The following MUC5B variants were observed in gnomAD, a reference collection of about 807,000 sequenced individuals.
The protein encoded by MUC5B is mucin-5B.
MUC5B carries 116 observed loss-of-function variants against 376.9 expected under a neutral mutation model. The observed-to-expected ratio is 0.31, with a 90% CI of 0.26 to 0.36. The LOEUF is 0.36. MUC5B is among the 10% of genes least tolerant of loss of function. The probability of loss-of-function intolerance (pLI) is 1.00; values close to 1 mark genes in which losing one functional copy is unlikely to be tolerated. For synonymous variants in MUC5B, 3,517 were observed against 3,390.9 expected (o/e 1.04, Z -1.29); for missense variants, 7,165 against 7,769.9 (o/e 0.92, Z 2.93).
chr11:1,235,132 G>A lies in MUC5B; in HGVS notation c.2678G>A (p.Gly893Asp). The change falls in exon 22 of 49, where the codon GGC (glycine) becomes GAC (aspartate). Residue 893 changes from glycine (G) to aspartate (D), a missense_variant. Physicochemically the swap from Gly to Asp is moderately conservative, Grantham distance 94. This residue lies in a region of MUC5B where 530 missense variants were observed against 604.0 expected (regional missense o/e 0.88). Coordinates refer to ENST00000529681, the MANE Select transcript of MUC5B (RefSeq NM_002458.3). ...GAGTGCAGCCACCGGCTCTGCCTGG[G>A]CACCTGCGTGGCCTACGGGGATGGC... ...RWECSHRLCL[G>D]TCVAYGDGHF... 1 of 1,612,824 alleles carries A rather than the reference G, an allele frequency of 6.2e-7. No homozygotes were observed. Among genetic ancestry groups the A allele is most frequent in the Non-Finnish European group, 8.5e-7 (1 of 1,179,656 alleles).
At position 1,249,022 on chromosome 11, in the gene MUC5B, A is replaced by T; in HGVS notation, c.12142A>T (p.Thr4048Ser). 1 of 1,607,216 alleles carries T rather than the reference A, an allele frequency of 6.2e-7. No individual in the cohort carries two copies. Among genetic ancestry groups the T allele is most frequent in the South Asian group, 1.1e-5 (1 of 90,604 alleles). Reference sequence around the variant, plus strand: ...CCACATCACAGAGCCTTCCACGGGGACTTCCCACACCCCAGCAGCAACCAC... The same window carrying T: ...CCACATCACAGAGCCTTCCACGGGGTCTTCCCACACCCCAGCAGCAACCAC... ...TTHITEPSTG[T>S]SHTPAATTGT... Residue 4048 changes from threonine (T) to serine (S), a missense_variant, in exon 31 of 49, where the codon ACT (threonine) becomes TCT (serine). Physicochemically the swap from Thr to Ser is moderately conservative, Grantham distance 58. Around this residue, in one of 31 missense-constraint regions of MUC5B, gnomAD observed 85 missense variants for 78.2 expected, o/e 1.09. Transcript: ENST00000529681.
intron 6 of MUC5B, 29 bp from the exon 7 acceptor site, chr11:1,227,646 C>A (rs1456352440): frequency 1.4e-6 from 1 of 715,202 alleles, no homozygotes; most frequent in Admixed American, 2.0e-5. Flanking sequence ...CCCCTCAGAG[C>A]CACCACACCC....
rs1442513015 is a variant in MUC5B, at chr11:1,243,381, C to A, written c.6501C>A (p.Thr2167=). 3 of 1,536,340 alleles carry A rather than the reference C, an allele frequency of 2.0e-6. No individual in the cohort carries two copies. Among genetic ancestry groups the A allele is most frequent in the Non-Finnish European group, 2.6e-6 (3 of 1,133,056 alleles). Reference sequence around the variant, plus strand: ...CCCCAGTGCTGACCACCACCGCCACCACACCTGCAGCCACCAGCAACACAG... The same window carrying A: ...CCCCAGTGCTGACCACCACCGCCACAACACCTGCAGCCACCAGCAACACAG... ...PIPPVLTTTA[T]TPAATSNTVT... Residue 2167 remains threonine, a synonymous_variant, in exon 31 of 49, where the codon ACC becomes ACA. Coordinates refer to ENST00000529681, the MANE Select transcript of MUC5B (RefSeq NM_002458.3).
rs566170441 is a variant in MUC5B, at chr11:1,250,118, C to G, written c.13238C>G (p.Ser4413Cys). 1 of 1,594,488 alleles carries G rather than the reference C, an allele frequency of 6.3e-7. No individual in the cohort carries two copies. Among genetic ancestry groups the G allele is most frequent in the African/African-American group, 1.3e-5 (1 of 74,428 alleles). ...AATGPTATPS[S>C]TPGTTWILTE... ...ACTGGCCCCACGGCCACCCCGTCCT[C>G]CACCCCAGGGACCACCTGGATCCTC... Residue 4413 changes from serine to cysteine, a missense_variant, in exon 31 of 49, where the codon TCC (serine) becomes TGC (cysteine). This residue lies in a region of MUC5B where 431 missense variants were observed against 390.4 expected (regional missense o/e 1.10). Coordinates refer to ENST00000529681, the MANE Select transcript of MUC5B (RefSeq NM_002458.3).
chr11:1,249,616 A>G lies in MUC5B; in HGVS notation c.12736A>G (p.Thr4246Ala). Residue 4246 changes from threonine to alanine, a missense_variant, in exon 31 of 49, where the codon ACG (threonine) becomes GCG (alanine). Around this residue, in one of 31 missense-constraint regions of MUC5B, gnomAD observed 431 missense variants for 390.4 expected, o/e 1.10. Transcript: ENST00000529681. ...STAMPSSTPG[T>A]TWILTELTTT... ...GGCCATGCCCTCCTCCACTCCGGGG[A>G]CGACCTGGATCCTCACAGAGCTGAC... 6.2e-7 allele frequency: 1 copy of G among 1,611,764 alleles called. No individual in the cohort carries two copies. Among genetic ancestry groups the G allele is most frequent in the Non-Finnish European group, 8.5e-7 (1 of 1,178,744 alleles).
Position 1,251,443 on chromosome 11 carries a change from GC to G in MUC5B, c.14565del (p.Thr4856ProfsTer2). 1 of 1,612,162 alleles carries G rather than the reference GC, an allele frequency of 6.2e-7. No individual in the cohort carries two copies. Among genetic ancestry groups the G allele is most frequent in the Non-Finnish European group, 8.5e-7 (1 of 1,178,994 alleles). On this transcript the variant is annotated frameshift_variant, in exon 31 of 49. Transcript: ENST00000529681. LOFTEE classifies it high-confidence loss of function. The stretch of plus-strand genomic sequence containing the variant: ...GATCCTCACAGAGCCGAGCACTATA[GC>G]CACCGTGATGGTGCCCACCGGTTCC... ...TWILTEPSTIATVMVPTGSTA... is the reference protein window; with the variant it reads ...TWILTEPSTIXTVMVPTGSTA...
rs775090485 is a variant in MUC5B at position 1,242,488 on chromosome 11, T to C, written c.5608T>C (p.Phe1870Leu). ...CCAGACAGGCAGGTTCAACATGTGC[T>C]TCAACTACAACGTGCGTGTGCTTTG... is the stretch of plus-strand genomic sequence containing the variant. ...EDQTGRFNMC[F>L]NYNVRVLCCD... is the part of the protein sequence containing the mutation. The change falls in exon 31 of 49, where the codon TTC becomes CTC. Residue 1870 changes from phenylalanine (F) to leucine (L), a missense_variant. This residue lies in a region of MUC5B where 897 missense variants were observed against 779.6 expected (regional missense o/e 1.15). Transcript: ENST00000529681. 5.6e-6 allele frequency: 9 copies of C among 1,613,652 alleles called. No homozygotes were observed. Among genetic ancestry groups the C allele is most frequent in the Non-Finnish European group, 4.2e-6 (5 of 1,179,776 alleles).
At chr11:1,225,956 G>A (rs1303719551) in intron 2 of MUC5B, among the ~76,000 whole-genome samples, 4 of 152,252 alleles carry the variant, frequency 2.6e-5, no homozygotes, top group African/African-American at 9.6e-5. Context: ...AAGCACACGC[G>A]TGGACAGGCA....
intron 18 of MUC5B, 125 bp downstream of exon 18, chr11:1,233,393 G>C: frequency 9.0e-7 from 1 of 1,114,696 alleles, no homozygotes; most frequent in Admixed American, 2.9e-5. Context: ...GGGGAGAGTG[G>C]GGCAGGGTGG....
In MUC5B at chr11:1,248,942, C is replaced by A. The variant is rs772346040; in HGVS notation, c.12062C>A (p.Pro4021His). 5 of 1,600,052 alleles carry A rather than the reference C, an allele frequency of 3.1e-6. No individual in the cohort carries two copies. The East Asian group carries it at 9.0e-5, about 29-fold the overall frequency. The change falls in exon 31 of 49, where the codon CCC becomes CAC. Residue 4021 changes from proline (P) to histidine (H), a missense_variant. Pro to His is a moderately conservative substitution (Grantham distance 77). This residue lies in a region of MUC5B where 47 missense variants were observed against 98.5 expected (regional missense o/e 0.48). Coordinates refer to ENST00000529681, the MANE Select transcript of MUC5B (RefSeq NM_002458.3). The stretch of plus-strand genomic sequence containing the variant: ...GGGCGATCCCTGTCCCCCAGCAGTC[C>A]CCACACGGTGCGCACAGCCTGGACT... The part of the protein sequence containing the change: ...THGRSLSPSS[P>H]HTVRTAWTSA...
At position 1,258,978 on chromosome 11, in the gene MUC5B, A is replaced by G. The variant is rs951820914; in HGVS notation, c.16630A>G (p.Met5544Val). The change falls in exon 44 of 49, where the codon ATG becomes GTG. Residue 5544 changes from methionine to valine, a missense_variant. Physicochemically the swap from Met to Val is conservative, Grantham distance 21. Coordinates refer to ENST00000529681, the MANE Select transcript of MUC5B (RefSeq NM_002458.3). This position sits in a 1 kb window ranked among gnomAD's most constrained non-coding sequence, Gnocchi z 5.5. ...CTTCCCAGGCGCCCTTCCCTGCCAC[A>G]TGTGTACCTGCCTCTCTGGGGACAC... is the stretch of plus-strand genomic sequence containing the variant. ...ATFPGALPCH[M>V]CTCLSGDTQD... 3.9e-6 allele frequency: 6 copies of G among 1,555,304 alleles called. No homozygotes were observed. The highest frequency in any genetic ancestry group is 5.2e-6 in the Non-Finnish European group (6 of 1,150,254).
Position 1,243,164 on chromosome 11 carries a change from T to A in MUC5B, c.6284T>A (p.Ile2095Asn). 6.3e-7 allele frequency: 1 copy of A among 1,597,702 alleles called. No homozygotes were observed. The highest frequency in any genetic ancestry group is 8.5e-7 in the Non-Finnish European group (1 of 1,172,976). The change falls in exon 31 of 49, where the codon ATC (isoleucine) becomes AAC (asparagine). Residue 2095 changes from isoleucine (I) to asparagine (N), a missense_variant. Coordinates refer to ENST00000529681, the MANE Select transcript of MUC5B (RefSeq NM_002458.3). Reference protein sequence around the residue: ...TRGSTVTPSSIPGTTHTATVL... With the variant: ...TRGSTVTPSSNPGTTHTATVL... ...GGCTCCACGGTGACCCCCTCCTCCA[T>A]CCCGGGGACCACCCACACCGCCACA...
chr11:1,237,398 C>G (rs1224517742), intron 25 of MUC5B, among the ~76,000 whole-genome samples: 1 of 152,240 alleles, frequency 6.6e-6, no homozygotes, highest in Non-Finnish European at 1.5e-5. Flanking sequence ...CTCCTTTGAC[C>G]ACAGCCTCAG....
At chr11:1,233,996 GCCC>G (rs780036899) in intron 19 of MUC5B, 148 bp downstream of exon 19, 87 of 903,728 alleles carry the variant, frequency 9.6e-5, no homozygotes, top group Non-Finnish European at 1.5e-4. Flanking sequence ...AGGCACCCAT[GCCC>G]TGACACGCCA....
rs369528609 is a variant in MUC5B, at chr11:1,235,329, C to A, written c.2796C>A (p.His932Gln). 1.2e-6 allele frequency: 2 copies of A among 1,612,790 alleles called. No individual in the cohort carries two copies. Among genetic ancestry groups the A allele is most frequent in the African/African-American group, 2.7e-5 (2 of 74,894 alleles). ...AQDYCGDNTTHGTFRIVTENI... is the reference protein window; with the variant it reads ...AQDYCGDNTTQGTFRIVTENI... ...ACTACTGTGGGGACAACACCACCCA[C>A]GGGACCTTCCGCATCGTCACCGAGA... The change falls in exon 23 of 49, where the codon CAC (histidine) becomes CAA (glutamine). Residue 932 changes from histidine (H) to glutamine (Q), a missense_variant. By Grantham distance (24) the His-to-Gln change is conservative (BLOSUM62 0). This residue lies in a region of MUC5B where 530 missense variants were observed against 604.0 expected (regional missense o/e 0.88). Coordinates refer to ENST00000529681, the MANE Select transcript of MUC5B (RefSeq NM_002458.3).
rs542402690 is a variant in MUC5B, at chr11:1,257,867, T to G, written c.16450+157T>G. ...CCACTCGGCAGAGATGGCCTCCAGG[T>G]GCTTCATTCTCCTCCTAACGATGAG... On this transcript the variant is annotated intron_variant, in intron 41 of 48. Coordinates refer to ENST00000529681, the MANE Select transcript of MUC5B (RefSeq NM_002458.3). This position sits in a 1 kb window ranked among gnomAD's most constrained non-coding sequence, Gnocchi z 8.9. 2.6e-5 allele frequency among the ~76,000 whole-genome samples: 4 copies of G among 152,258 alleles called. 1 individual carries two copies. Among genetic ancestry groups the G allele is most frequent in the Non-Finnish European group, 5.9e-5 (4 of 68,006 alleles).
At position 1,245,098 on chromosome 11, in the gene MUC5B, G is replaced by A. The variant is rs1862416259; in HGVS notation, c.8218G>A (p.Gly2740Arg). 5 of 1,539,478 alleles carry A rather than the reference G, an allele frequency of 3.2e-6. No individual in the cohort carries two copies. In the East Asian group the frequency reaches 9.8e-5, roughly 30 times the overall value. Residue 2740 changes from glycine to arginine, a missense_variant, in exon 31 of 49, where the codon GGG (glycine) becomes AGG (arginine). By Grantham distance (125) the Gly-to-Arg change is moderately radical (BLOSUM62 -2). Around this residue, in one of 31 missense-constraint regions of MUC5B, gnomAD observed 70 missense variants for 169.1 expected, o/e 0.41. Coordinates refer to ENST00000529681, the MANE Select transcript of MUC5B (RefSeq NM_002458.3). ...CACAGTGACTCCCTCCTCTGCCCTA[G>A]GGACCACCCACACACCCCCAGTGCC... is the stretch of plus-strand genomic sequence containing the variant. Reference protein sequence around the residue: ...SSTVTPSSALGTTHTPPVPNT... With the variant: ...SSTVTPSSALRTTHTPPVPNT...
In MUC5B at chr11:1,257,737, C is replaced by T. The variant is rs371023459; in HGVS notation, c.16450+27C>T. 1.0e-4 allele frequency: 153 copies of T among 1,522,472 alleles called. No individual in the cohort carries two copies. Among genetic ancestry groups the T allele is most frequent in the Admixed American group, 2.8e-4 (14 of 50,484 alleles). 94.3% of individuals were successfully genotyped at this position (1,522,472 alleles called of 1,614,324 possible). A position where few individuals can be genotyped will look rare whatever the true frequency, so the allele number is the denominator to read the frequency against. On this transcript the variant is annotated intron_variant, in intron 41 of 48. Coordinates refer to ENST00000529681, the MANE Select transcript of MUC5B (RefSeq NM_002458.3). This position sits in a 1 kb window ranked among gnomAD's most constrained non-coding sequence, Gnocchi z 8.9. The stretch of plus-strand genomic sequence containing the variant: ...TAAGACGCTGCAGAGCAGAGGTGCC[C>T]GGCATAGGGTGAGGGGGGACAGAGC...
chr11:1,243,698 C>T lies in MUC5B; in HGVS notation c.6818C>T (p.Pro2273Leu), dbSNP rs200044114. Residue 2273 changes from proline (P) to leucine (L), a missense_variant, in exon 31 of 49, where the codon CCG (proline) becomes CTG (leucine). Physicochemically the swap from Pro to Leu is moderately conservative, Grantham distance 98. Coordinates refer to ENST00000529681, the MANE Select transcript of MUC5B (RefSeq NM_002458.3). ...CCCCCTTCTCCAGGGACGACCACCCCGGGCCACACCACGGCCACCTCCAGG... is the reference window on the plus strand; with the variant it reads ...CCCCCTTCTCCAGGGACGACCACCCTGGGCCACACCACGGCCACCTCCAGG... Reference protein sequence around the residue: ...ESPPSPGTTTPGHTTATSRTT... With the variant: ...ESPPSPGTTTLGHTTATSRTT... The T allele has an allele frequency of 9.6e-5, 155 of 1,611,628 alleles. No homozygotes were observed. In the East Asian group the frequency reaches 1.0e-3, roughly 11 times the overall value.
Sources: gnomAD v4.1 joint callset for allele counts (sites outside exome capture counted in the v4.1 genomes callset) on GRCh38, gnomAD v4.1.1 for gene constraint, gnomAD v4.1.1 regional missense constraint, Gnocchi (gnomAD v3.1) non-coding constraint, MANE v1.5 for transcripts, NCBI Gene and HGNC (gene_info 2026-07-23, HGNC 2026-07-21) for gene names.